The following ELFN2 variants were observed in gnomAD, a reference collection of about 807,000 sequenced individuals.
The protein encoded by ELFN2 is protein phosphatase 1 regulatory subunit 29.
In ELFN2, 17 loss-of-function variants were observed where a neutral mutation model predicts 45.5. That is an observed-to-expected ratio of 0.37 (90% CI 0.26 to 0.56). ELFN2 has a LOEUF of 0.56. Among genes scored for constraint, ELFN2 ranks in the 20% least tolerant of loss-of-function variants. The pLI, the probability that ELFN2 is intolerant of heterozygous loss-of-function variation, is 0.77. For synonymous variants in ELFN2, 550 were observed against 551.5 expected, an observed-to-expected ratio of 1.00 and a Z score of 0.04; for missense variants, 922 against 1,183.2, an observed-to-expected ratio of 0.78 and a Z score of 3.24.
intron 2 of ELFN2, chr22:37,384,920 T>C (rs1317319516): frequency 6.6e-6 from 1 of 151,916 alleles, no homozygotes; most frequent in East Asian, 2.0e-4. Flanking sequence ...ATGGCCTCCA[T>C]TCATTCATTC....
intron 2 of ELFN2, among the ~76,000 whole-genome samples, chr22:37,397,227 G>A (rs1317170743): frequency 6.6e-6 from 1 of 152,194 alleles, no homozygotes; most frequent in Non-Finnish European, 1.5e-5. Context: ...CCCCTCCAGA[G>A]GGCCAGGAAG....
intron 1 of ELFN2, among the ~76,000 whole-genome samples, chr22:37,361,367 G>T (rs145902020): frequency 4.6e-4 from 65 of 139,880 alleles, no homozygotes; most frequent in East Asian, 3.5e-3. Context: ...TCCATGAGTT[G>T]CCAGTTCCAT....
At chr22:37,422,414 G>A (rs1476680295) in intron 1 of ELFN2, among the ~76,000 whole-genome samples, 1 of 152,042 alleles carries the variant, frequency 6.6e-6, no homozygotes, top group Non-Finnish European at 1.5e-5. Flanking sequence ...TATTGTTGCT[G>A]TTGTTGTTCT....
chr22:37,412,013 T>G (rs1932660420), intron 2 of ELFN2, among the ~76,000 whole-genome samples: 1 of 151,428 alleles, frequency 6.6e-6, no homozygotes, highest in Non-Finnish European at 1.5e-5. Flanking sequence ...GAACCTCCGC[T>G]CAGAGGACCA....
rs1319507073 is a variant in ELFN2, at chr22:37,375,042, G to A, written c.493C>T (p.Arg165Cys). 1.3e-5 allele frequency: 21 copies of A among 1,613,372 alleles called. No homozygotes were observed. The highest frequency in any genetic ancestry group is 1.7e-5 in the Admixed American group (1 of 60,010). Residue 165 changes from arginine (R) to cysteine (C), a missense_variant, in exon 3 of 3, where the codon CGC becomes TGC. Around this residue, in one of 2 missense-constraint regions of ELFN2, gnomAD observed 358 missense variants for 540.4 expected, o/e 0.66. Coordinates refer to ENST00000402918, the MANE Select transcript of ELFN2 (RefSeq NM_052906.5). ...SIDLSSNRLS[R>C]LDGATFASLA... ...CTGGCAAAGGTGGCACCGTCCAGGC[G>A]GCTGAGGCGGTTGGAGGACAGGTCG...
In ELFN2 at chr22:37,373,467, C is replaced by T. The variant is rs1014197650; in HGVS notation, c.2068G>A (p.Gly690Arg). The T allele has an allele frequency of 6.5e-6, 10 of 1,532,244 alleles. No individual in the cohort carries two copies. Among genetic ancestry groups the T allele is most frequent in the African/African-American group, 1.4e-5 (1 of 72,918 alleles). 94.9% of individuals were successfully genotyped at this position (1,532,244 alleles called of 1,614,324 possible). ...VPAGSGGGSG[G>R]GGGIHHLEVK... ...TCCAGGTGGTGGATGCCCCCGCCCC[C>T]GCCGCTGCCCCCGCCGCTGCCCGCC... Residue 690 changes from glycine (G) to arginine (R), a missense_variant, in exon 3 of 3, where the codon GGG becomes AGG. Coordinates refer to ENST00000402918, the MANE Select transcript of ELFN2 (RefSeq NM_052906.5).
intron 1 of ELFN2, among the ~76,000 whole-genome samples, chr22:37,422,942 TCG>T (rs1932819997): frequency 9.6e-5 from 1 of 10,384 alleles, no homozygotes. Flanking sequence ...AAACTGGGCC[TCG>T]GGGGGGGGGG....
rs1931285033 is a variant in ELFN2, at chr22:37,369,046, T to C, written c.*4026A>G. On this transcript the variant is annotated 3_prime_UTR_variant, in exon 3 of 3. Coordinates refer to ENST00000402918, the MANE Select transcript of ELFN2 (RefSeq NM_052906.5). ...AGTCACTAGGGAGCATTGTGTCTTATCCCTTCCCTGCACTTAGGCCCCTTA... is the reference window on the plus strand; with the variant it reads ...AGTCACTAGGGAGCATTGTGTCTTACCCCTTCCCTGCACTTAGGCCCCTTA... 6.6e-6 allele frequency: 1 copy of C among 152,138 alleles called. No homozygotes were observed. The highest frequency in any genetic ancestry group is 2.4e-5 in the African/African-American group (1 of 41,398). The allele number at this position is 152,138 out of a possible 1,614,324, so 9.4% of individuals were successfully genotyped here.
At chr22:37,402,763 CA>C (rs1273515154) in intron 2 of ELFN2, among the ~76,000 whole-genome samples, 2 of 152,144 alleles carry the variant, frequency 1.3e-5, no homozygotes, top group Admixed American at 1.3e-4. Context: ...GTTCAGCCTC[CA>C]GGGGCTCGGT....
chr22:37,377,091 G>A (rs1196544997), intron 2 of ELFN2, among the ~76,000 whole-genome samples: 2 of 152,248 alleles, frequency 1.3e-5, no homozygotes, highest in Non-Finnish European at 2.9e-5. Context: ...ACTTGATGGG[G>A]GAGAAGAAGC....
chr22:37,393,948 A>G (rs1481353124), intron 2 of ELFN2, among the ~76,000 whole-genome samples: 1 of 152,180 alleles, frequency 6.6e-6, no homozygotes, highest in Non-Finnish European at 1.5e-5. Context: ...CTGCAAATGA[A>G]GCGTGATGAT....
chr22:37,396,967 C>T (rs1932228942), intron 2 of ELFN2, among the ~76,000 whole-genome samples: 1 of 152,148 alleles, frequency 6.6e-6, no homozygotes, highest in Non-Finnish European at 1.5e-5. Context: ...AGGGAGGCTT[C>T]CGGAGGGCAG....
rs1330737691 is a variant in ELFN2 at position 37,374,499 on chromosome 22, C to T, written c.1036G>A (p.Val346Met). ...VMTLKNKKEI[V>M]TLDKLRAHTE... ...TGCGCCCGCAGTTTGTCCAGCGTCA[C>T]GATCTCCTTCTTGTTCTTGAGGGTC... Residue 346 changes from valine to methionine, a missense_variant, in exon 3 of 3, where the codon GTG (valine) becomes ATG (methionine). Physicochemically the swap from Val to Met is conservative, Grantham distance 21. Around this residue, in one of 2 missense-constraint regions of ELFN2, gnomAD observed 358 missense variants for 540.4 expected, o/e 0.66. Coordinates refer to ENST00000402918, the MANE Select transcript of ELFN2 (RefSeq NM_052906.5). 1 of 1,614,088 alleles carries T rather than the reference C, an allele frequency of 6.2e-7. No homozygotes were observed. Among genetic ancestry groups the T allele is most frequent in the African/African-American group, 1.3e-5 (1 of 74,924 alleles).
In ELFN2 at chr22:37,405,089, C is replaced by CTTTTTTTTTTT. The variant is rs1491573989; in HGVS notation, c.-463+12679_-463+12680insAAAAAAAAAAA. Among the ~76,000 whole-genome samples the CTTTTTTTTTTT allele has an allele frequency of 4.1e-5, 5 of 121,534 alleles. 1 individual carries two copies. The highest frequency in any genetic ancestry group is 6.9e-5 in the African/African-American group (2 of 29,192). The allele number at this position is 121,534 out of a possible 152,430, so 79.7% of individuals were successfully genotyped here. A position where few individuals can be genotyped will look rare whatever the true frequency, so the allele number is the denominator to read the frequency against. On this transcript the variant is annotated intron_variant, in intron 2 of 2. Transcript: ENST00000402918. Reference sequence around the variant, plus strand: ...GGCCCCTCACCTCCCTGAACCTCAGCATTTTTTTTTTTTTTTTTTTTTTGA... The same window carrying CTTTTTTTTTTT: ...GGCCCCTCACCTCCCTGAACCTCAGCTTTTTTTTTTTATTTTTTTTTTTTTTTTTTTTTTGA...
In ELFN2 at chr22:37,372,733, A is replaced by C. The variant is rs1040432009; in HGVS notation, c.*339T>G. 23 of 156,400 alleles carry C rather than the reference A, an allele frequency of 1.5e-4. No homozygotes were observed. The highest frequency in any genetic ancestry group is 2.4e-4 in the African/African-American group (8 of 33,222). The allele number at this position is 156,400 out of a possible 1,614,324, so 9.7% of individuals were successfully genotyped here. Reference sequence around the variant, plus strand: ...TAGCCCCAGACCCCCCAGACCCCACACCCTCTCTTGGCTTCCTTCCTCCCC... The same window carrying C: ...TAGCCCCAGACCCCCCAGACCCCACCCCCTCTCTTGGCTTCCTTCCTCCCC... On this transcript the variant is annotated 3_prime_UTR_variant, in exon 3 of 3. Coordinates refer to ENST00000402918, the MANE Select transcript of ELFN2 (RefSeq NM_052906.5). This position sits in a 1 kb window ranked among gnomAD's most constrained non-coding sequence, Gnocchi z 4.4.
At chr22:37,415,165 C>T (rs1332513539) in intron 2 of ELFN2, among the ~76,000 whole-genome samples, 2 of 149,064 alleles carry the variant, frequency 1.3e-5, no homozygotes, top group African/African-American at 5.2e-5. Flanking sequence ...TCAAATGGCC[C>T]TCTTTGGCCA....
At chr22:37,420,299 C>A (rs1296406873) in intron 1 of ELFN2, 1 of 152,584 alleles carries the variant, frequency 6.6e-6, no homozygotes, top group East Asian at 1.9e-4. Flanking sequence ...CCGTGCGCCC[C>A]CAGGACGGAC....
intron 2 of ELFN2, among the ~76,000 whole-genome samples, chr22:37,341,905 T>C (rs951692829): frequency 6.6e-6 from 1 of 152,170 alleles, no homozygotes; most frequent in Non-Finnish European, 1.5e-5. Context: ...GGCAGGTCGC[T>C]ACCAGGATCC....
chr22:37,395,552 T>G (rs1358591026), intron 2 of ELFN2, among the ~76,000 whole-genome samples: 1 of 152,178 alleles, frequency 6.6e-6, no homozygotes, highest in Non-Finnish European at 1.5e-5. Context: ...CAGCCTCCTC[T>G]GCTGTCAGGG....
Sources: allele counts gnomAD v4.1 joint callset (sites outside exome capture counted in the v4.1 genomes callset), GRCh38; gene constraint gnomAD v4.1.1; regional missense constraint gnomAD v4.1.1; non-coding constraint Gnocchi (gnomAD v3.1); transcripts MANE v1.5; gene names NCBI Gene and HGNC (gene_info 2026-07-23, HGNC 2026-07-21).